Variants in NRIP1 observed in about 807,000 individuals in gnomAD.
The protein encoded by NRIP1 is nuclear receptor interacting protein 1.
Under a neutral mutation model 75.0 loss-of-function variants are expected in NRIP1, and 28 were observed. The ratio of observed to expected loss-of-function variants is 0.37; its 90% confidence interval spans 0.28 to 0.51. NRIP1 has a LOEUF of 0.51. NRIP1 is among the 20% of genes least tolerant of loss of function. The pLI, the probability that NRIP1 is intolerant of heterozygous loss-of-function variation, is 0.92. For missense variants in NRIP1, 1,435 were observed against 1,343.7 expected, an observed-to-expected ratio of 1.07 and a Z score of -1.06; for synonymous variants, 526 against 487.6, an observed-to-expected ratio of 1.08 and a Z score of -1.04.
intron 2 of NRIP1, among the ~76,000 whole-genome samples, chr21:15,029,182 C>T (rs945822662): frequency 6.6e-6 from 1 of 152,206 alleles, no homozygotes; most frequent in Non-Finnish European, 1.5e-5. Flanking sequence ...CTTTGGTCTA[C>T]TTAACACAAC....
intron 2 of NRIP1, among the ~76,000 whole-genome samples, chr21:15,038,785 T>TA (rs113454547): frequency 1.3e-5 from 2 of 151,046 alleles, no homozygotes; most frequent in African/African-American, 2.4e-5. Flanking sequence ...TTTTCAGAAA[T>TA]AAAAAAAAAT....
chr21:14,995,700 TAG>T (rs1355627617), intron 3 of NRIP1, among the ~76,000 whole-genome samples: 1 of 152,154 alleles, frequency 6.6e-6, no homozygotes, highest in Non-Finnish European at 1.5e-5. Flanking sequence ...CACTGGTGAT[TAG>T]AGAGACTATT....
At chr21:14,985,579 G>A (rs542000624) in intron 3 of NRIP1, among the ~76,000 whole-genome samples, 140 of 152,176 alleles carry the variant, frequency 9.2e-4, no homozygotes, top group Non-Finnish European at 1.1e-3. Context: ...ACCATGCCTG[G>A]CAAAGTATTT....
chr21:15,036,571 A>T (rs1237574911), intron 2 of NRIP1, among the ~76,000 whole-genome samples: 2 of 144,366 alleles, frequency 1.4e-5, no homozygotes, highest in Non-Finnish European at 3.0e-5. Flanking sequence ...GATATACATG[A>T]TCTTCAGATT....
chr21:15,037,036 C>A (rs559566785), intron 2 of NRIP1, among the ~76,000 whole-genome samples: 6 of 152,036 alleles, frequency 3.9e-5, no homozygotes, highest in African/African-American at 1.4e-4. Flanking sequence ...AAATAATAAG[C>A]AAAATTTAAG....
intron 3 of NRIP1, chr21:14,974,190 A>T (rs2086985712): frequency 6.6e-6 from 1 of 152,244 alleles, no homozygotes; most frequent in African/African-American, 2.4e-5. Context: ...TCAATTCTTC[A>T]TTCCCTGTTT....
At chr21:15,028,026 A>G (rs1393054624) in intron 2 of NRIP1, among the ~76,000 whole-genome samples, 5 of 152,214 alleles carry the variant, frequency 3.3e-5, no homozygotes, top group African/African-American at 1.2e-4. Context: ...TGCATGTAGT[A>G]TAATACTTAA....
intron 3 of NRIP1, among the ~76,000 whole-genome samples, chr21:14,975,352 T>C (rs1282297727): frequency 6.6e-6 from 1 of 152,082 alleles, no homozygotes. Flanking sequence ...CAATTTTTAA[T>C]AAAAACTTAA....
In NRIP1 at chr21:14,973,843, ATTTTTTTT is replaced by A. The variant is rs11391044; in HGVS notation, c.-334-5325_-334-5318del. 2.2e-4 allele frequency among the ~76,000 whole-genome samples: 29 copies of A among 129,836 alleles called. 1 individual carries two copies. The highest frequency in any genetic ancestry group is 2.1e-3 in the Admixed American group (26 of 12,642). The allele number at this position is 129,836 out of a possible 152,430, so 85.2% of individuals were successfully genotyped here. Reference sequence around the variant, plus strand: ...AGGTGTGTGCCACCATGCAGAGCTGATTTTTTTTTTTTTTTTTTCCTGTGGAGATGGGG... The same window carrying A: ...AGGTGTGTGCCACCATGCAGAGCTGATTTTTTTTTTCCTGTGGAGATGGGG... On this transcript the variant is annotated intron_variant, in intron 3 of 3. Coordinates refer to ENST00000318948, the MANE Select transcript of NRIP1 (RefSeq NM_003489.4).
intron 3 of NRIP1, among the ~76,000 whole-genome samples, chr21:14,969,240 T>C (rs537437773): frequency 1.3e-5 from 2 of 152,318 alleles, no homozygotes; most frequent in Admixed American, 1.3e-4. Flanking sequence ...AGTGATTCTT[T>C]AGATGCTTGT....
intron 3 of NRIP1, among the ~76,000 whole-genome samples, chr21:15,011,206 T>C (rs1054411287): frequency 6.6e-6 from 1 of 152,198 alleles, no homozygotes; most frequent in Non-Finnish European, 1.5e-5. Context: ...CACTTTTTTT[T>C]TGAGATGGAG....
At chr21:15,025,112 G>C (rs2088484794) in intron 2 of NRIP1, among the ~76,000 whole-genome samples, 1 of 152,146 alleles carries the variant, frequency 6.6e-6, no homozygotes, top group Non-Finnish European at 1.5e-5. Flanking sequence ...ACTGTGGTGT[G>C]CAATGTAGAA....
chr21:15,060,115 G>T (rs2089392621), intron 1 of NRIP1, among the ~76,000 whole-genome samples: 1 of 152,094 alleles, frequency 6.6e-6, no homozygotes, highest in Admixed American at 6.5e-5. Flanking sequence ...ATGATATAGA[G>T]TATGTACCAT....
At chr21:15,062,928 G>T (rs557982806) in intron 1 of NRIP1, among the ~76,000 whole-genome samples, 1 of 152,224 alleles carries the variant, frequency 6.6e-6, no homozygotes, top group African/African-American at 2.4e-5. Context: ...TGTAAAAGAG[G>T]CATTAAACCT....
At position 14,967,443 on chromosome 21, in the gene NRIP1, CCTT is replaced by C. The variant is rs764495273; in HGVS notation, c.747_749del (p.Arg250del). 2.5e-6 allele frequency: 4 copies of C among 1,614,016 alleles called. No homozygotes were observed. Among genetic ancestry groups the C allele is most frequent in the Non-Finnish European group, 3.4e-6 (4 of 1,179,986 alleles). Reference sequence around the variant, plus strand: ...GTTTAGGTGAGGTGGCAGGACTAGCCCTTTTTTCCACCATGCTTGCAACAGCCT... The same window carrying C: ...GTTTAGGTGAGGTGGCAGGACTAGCCTTTTCCACCATGCTTGCAACAGCCT... On this transcript the variant is annotated inframe_deletion, in exon 4 of 4. Transcript: ENST00000318948.
intron 2 of NRIP1, among the ~76,000 whole-genome samples, chr21:15,030,946 G>A (rs1388803508): frequency 7.0e-4 from 93 of 132,434 alleles, no homozygotes; most frequent in African/African-American, 2.0e-3. Context: ...AAGGCACTCA[G>A]AGGATCACCA....
chr21:15,007,646 G>C (rs551775844), intron 3 of NRIP1, among the ~76,000 whole-genome samples: 2 of 152,278 alleles, frequency 1.3e-5, no homozygotes, highest in South Asian at 4.1e-4. Flanking sequence ...ACAGTGACAT[G>C]TACCTTTTCA....
In NRIP1 at chr21:14,996,968, T is replaced by C. The variant is rs74313788; in HGVS notation, c.-335+17376A>G. Among the ~76,000 whole-genome samples, 830 of 152,234 alleles carry C rather than the reference T, an allele frequency of 5.5e-3. 26 individuals carry two copies. In the East Asian group the frequency reaches 0.072, roughly 13 times the overall value. ...TCACTTTATTAAAAATTATAAGTACTATCCAGTTAAAAAATAAAACTTCAC... is the reference window on the plus strand; with the variant it reads ...TCACTTTATTAAAAATTATAAGTACCATCCAGTTAAAAAATAAAACTTCAC... On this transcript the variant is annotated intron_variant, in intron 3 of 3. Coordinates refer to ENST00000318948, the MANE Select transcript of NRIP1 (RefSeq NM_003489.4).
chr21:14,963,305 A>T lies in NRIP1; in HGVS notation c.*1411T>A, dbSNP rs1397722731. ...AGGAGAAGTTTCCAAACCATCCTGG[A>T]ATCACCTGAGTTTGGTAAGTGGCCC... On this transcript the variant is annotated 3_prime_UTR_variant, in exon 4 of 4. Transcript: ENST00000318948. 1.3e-5 allele frequency: 2 copies of T among 152,472 alleles called. No individual in the cohort carries two copies. Among genetic ancestry groups the T allele is most frequent in the Non-Finnish European group, 2.9e-5 (2 of 67,954 alleles). The allele number at this position is 152,472 out of a possible 1,614,324, so 9.4% of individuals were successfully genotyped here.
Sources: allele counts gnomAD v4.1 joint callset (sites outside exome capture counted in the v4.1 genomes callset), GRCh38; gene constraint gnomAD v4.1.1; transcripts MANE v1.5; gene names NCBI Gene and HGNC (gene_info 2026-07-23, HGNC 2026-07-21).